RYR3: variants seen among roughly 807,000 people sequenced by gnomAD.
RYR3 encodes the protein ryanodine receptor 3, also known as brain ryanodine receptor-calcium release channel.
Under a neutral mutation model 584.3 loss-of-function variants are expected in RYR3, and 207 were observed. That is an observed-to-expected ratio of 0.35 (90% CI 0.32 to 0.40). RYR3 has a LOEUF of 0.40. Ranked by LOEUF, RYR3 falls within the 10% of genes least tolerant of loss-of-function variation. The pLI is 1.00. For synonymous variants in RYR3, 2,416 were observed against 2,248.5 expected, an observed-to-expected ratio of 1.07 and a Z score of -2.11; for missense variants, 5,616 against 6,089.2, an observed-to-expected ratio of 0.92 and a Z score of 2.59.
intron 44 of RYR3, among the ~76,000 whole-genome samples, chr15:33,723,101 C>A (rs1044151513): frequency 6.6e-6 from 1 of 152,244 alleles, no homozygotes; most frequent in African/African-American, 2.4e-5. Flanking sequence ...CTTCCATTTT[C>A]TCTACTCTGC....
intron 1 of RYR3, among the ~76,000 whole-genome samples, chr15:33,437,117 AGTGTGTGTGTGT>A (rs71415518): frequency 0.086 from 12,931 of 149,524 alleles, 632 homozygotes; most frequent in African/African-American, 0.13. Context: ...AGAGAGATAG[AGTGTGTGTGTGT>A]GTGTGTGTGT....
intron 94 of RYR3, chr15:33,851,457 T>C (rs1276921456): frequency 2.0e-5 from 3 of 152,208 alleles, no homozygotes; most frequent in Non-Finnish European, 4.4e-5. Context: ...CATCTTGTAC[T>C]TTTTCCCTGA....
At chr15:33,340,434 A>G (rs1035905114) in intron 1 of RYR3, among the ~76,000 whole-genome samples, 1 of 152,242 alleles carries the variant, frequency 6.6e-6, no homozygotes, top group South Asian at 2.1e-4. Context: ...ATCAGAAGAC[A>G]TGGCGTGTTA....
intron 1 of RYR3, among the ~76,000 whole-genome samples, chr15:33,389,796 A>G (rs2041876231): frequency 6.6e-6 from 1 of 152,182 alleles, no homozygotes; most frequent in African/African-American, 2.4e-5. Context: ...CTTTTATTTA[A>G]TATCTTTTCA....
intron 53 of RYR3, among the ~76,000 whole-genome samples, chr15:33,747,398 C>CA (rs2070838502): frequency 1.0e-5 from 1 of 97,552 alleles, no homozygotes; most frequent in Non-Finnish European, 2.2e-5. Flanking sequence ...TTTTTTGAGA[C>CA]GGAGTTTCAC....
At chr15:33,748,674 G>C in intron 55 of RYR3, 144 bp downstream of exon 55, 2 of 737,420 alleles carry the variant, frequency 2.7e-6, no homozygotes, top group Non-Finnish European at 4.6e-6. Flanking sequence ...CTTGTGCAGA[G>C]GCCACAGGGA....
intron 1 of RYR3, among the ~76,000 whole-genome samples, chr15:33,419,323 A>G (rs2044059675): frequency 6.6e-6 from 1 of 152,136 alleles, no homozygotes; most frequent in Admixed American, 6.5e-5. Context: ...AAATCATTTT[A>G]GAGGTGTCAG....
chr15:33,854,367 A>G, intron 96 of RYR3, 22 bp from the exon 97 acceptor site: 1 of 1,549,022 alleles, frequency 6.5e-7, no homozygotes, highest in East Asian at 2.4e-5. Context: ...TATAAGTTTT[A>G]AAATCACTTG....
intron 1 of RYR3, among the ~76,000 whole-genome samples, chr15:33,325,714 C>A (rs1164665206): frequency 1.8e-5 from 2 of 109,614 alleles, no homozygotes; most frequent in African/African-American, 6.3e-5. Context: ...TCTCTGCCTT[C>A]CCCCTCCCCC....
At chr15:33,363,152 G>C (rs1273728311) in intron 1 of RYR3, among the ~76,000 whole-genome samples, 1 of 152,142 alleles carries the variant, frequency 6.6e-6, no homozygotes, top group African/African-American at 2.4e-5. Flanking sequence ...GTCAGTCTTG[G>C]GTAGAGGAGA....
intron 1 of RYR3, among the ~76,000 whole-genome samples, chr15:33,427,833 T>C (rs1301568655): frequency 1.3e-5 from 2 of 152,290 alleles, no homozygotes; most frequent in African/African-American, 4.8e-5. Flanking sequence ...GTATCTCTTT[T>C]CCCCCATTTC....
chr15:33,763,904 A>AAAAAAAAAAAAAAC (rs1567121773), intron 60 of RYR3, among the ~76,000 whole-genome samples: 2 of 130,566 alleles, frequency 1.5e-5, no homozygotes, highest in African/African-American at 6.6e-5. Context: ...AAAAAAAAAA[A>AAAAAAAAAAAAAAC]AAAAAAAAAA....
chr15:33,522,684 A>G (rs2054092453), intron 3 of RYR3, among the ~76,000 whole-genome samples: 1 of 151,934 alleles, frequency 6.6e-6, no homozygotes, highest in Non-Finnish European at 1.5e-5. Context: ...AAGGTGGTGA[A>G]GAAACAAGTT....
intron 52 of RYR3, among the ~76,000 whole-genome samples, chr15:33,743,114 C>A (rs985319241): frequency 6.6e-6 from 1 of 152,154 alleles, no homozygotes. Context: ...CTGCAGCCTA[C>A]GGTGTGTAAC....
intron 62 of RYR3, among the ~76,000 whole-genome samples, chr15:33,770,205 A>G (rs962900492): frequency 2.0e-5 from 3 of 152,124 alleles, no homozygotes; most frequent in Non-Finnish European, 4.4e-5. Context: ...GAGGTTACCA[A>G]CCTAAAAGAG....
In RYR3 at chr15:33,436,047, T is replaced by G. The variant is rs887404168; in HGVS notation, c.52-37372T>G. On this transcript the variant is annotated intron_variant, in intron 1 of 103. Coordinates refer to ENST00000634891, the MANE Select transcript of RYR3 (RefSeq NM_001036.6). ...TTTTACAAAGTGCTGATTGGTGCAT[T>G]TACAATCCTCTAGCTAGACAGAAAA... is the stretch of plus-strand genomic sequence containing the variant. Among the ~76,000 whole-genome samples, 4 of 152,180 alleles carry G rather than the reference T, an allele frequency of 2.6e-5. No individual in the cohort carries two copies. The South Asian group carries it at 8.3e-4, about 32-fold the overall frequency.
chr15:33,739,760 A>G (rs1329812825), intron 50 of RYR3, 72 bp from the exon 51 acceptor site: 2 of 1,287,320 alleles, frequency 1.6e-6, no homozygotes, highest in Non-Finnish European at 2.2e-6. Flanking sequence ...TTTTCAGCTG[A>G]TTGGTGATTG....
At chr15:33,539,105 C>G (rs1344080503) in intron 5 of RYR3, 1 of 301,442 alleles carries the variant, frequency 3.3e-6, no homozygotes, top group Non-Finnish European at 6.2e-6. Context: ...GCTATAGTTT[C>G]CGGCCTCCAA....
intron 1 of RYR3, among the ~76,000 whole-genome samples, chr15:33,402,069 C>G (rs2042712081): frequency 6.6e-6 from 1 of 151,972 alleles, no homozygotes; most frequent in Non-Finnish European, 1.5e-5. Flanking sequence ...CTAAAATCTT[C>G]TGCAAGAATG....
Sources: allele counts gnomAD v4.1 joint callset (sites outside exome capture counted in the v4.1 genomes callset), GRCh38; gene constraint gnomAD v4.1.1; transcripts MANE v1.5; gene names NCBI Gene and HGNC (gene_info 2026-07-23, HGNC 2026-07-21).